LOC400499: variants seen among roughly 807,000 people sequenced by gnomAD.
the LOC400499 span, chr16:11,384,202 G>A: frequency 9.8e-6 from 12 of 1,229,370 alleles, no homozygotes; most frequent in Non-Finnish European, 1.2e-5. Flanking sequence ...GGACAGGCAG[G>A]TGCACCCGCT....
chr16:11,413,836 C>T, the LOC400499 span, among the ~76,000 whole-genome samples: 4 of 152,140 alleles, frequency 2.6e-5, no homozygotes, highest in African/African-American at 7.2e-5. Flanking sequence ...TATCATCATC[C>T]CTGTTTTGCA....
chr16:11,525,813 A>G, the LOC400499 span, among the ~76,000 whole-genome samples: 2 of 152,190 alleles, frequency 1.3e-5, no homozygotes, highest in African/African-American at 4.8e-5. Flanking sequence ...CACATTTAAA[A>G]TATTTTTTAA....
the LOC400499 span, chr16:11,391,613 A>G: frequency 2.5e-6 from 3 of 1,218,300 alleles, no homozygotes; most frequent in Non-Finnish European, 3.1e-6. Context: ...CCCGGTGGAG[A>G]GGGGGGACAT....
At chr16:11,487,660 T>C in the LOC400499 span, among the ~76,000 whole-genome samples, 1 of 152,298 alleles carries the variant, frequency 6.6e-6, no homozygotes, top group South Asian at 2.1e-4. Context: ...CTGAGGTAGT[T>C]TTGGAGCCTT....
chr16:11,417,877 C>G, the LOC400499 span: 1 of 398,614 alleles, frequency 2.5e-6, no homozygotes, highest in Non-Finnish European at 4.4e-6. Context: ...CCACCCTGTG[C>G]AGAGAGAGCC....
the LOC400499 span, among the ~76,000 whole-genome samples, chr16:11,511,598 C>T: frequency 6.6e-6 from 1 of 152,214 alleles, no homozygotes; most frequent in Non-Finnish European, 1.5e-5. Flanking sequence ...CAAAAGGGCA[C>T]ACTTTATGAC....
chr16:11,502,810 T>C, the LOC400499 span, among the ~76,000 whole-genome samples: 13,600 of 151,622 alleles, frequency 0.09, 785 homozygotes, highest in East Asian at 0.17. Flanking sequence ...GAGAAGAGGT[T>C]TCACCATGTT....
chr16:11,375,849 C>T, the LOC400499 span, among the ~76,000 whole-genome samples: 1 of 151,894 alleles, frequency 6.6e-6, no homozygotes, highest in South Asian at 2.1e-4. Context: ...CCTGCCTCAG[C>T]CTCCCAAGTA....
At chr16:11,409,441 G>C in the LOC400499 span, among the ~76,000 whole-genome samples, 1 of 152,116 alleles carries the variant, frequency 6.6e-6, no homozygotes, top group Admixed American at 6.6e-5. Flanking sequence ...ATCGTCTATA[G>C]CTGCTTTTGT....
At chr16:11,461,589 G>A in the LOC400499 span, among the ~76,000 whole-genome samples, 1 of 152,204 alleles carries the variant, frequency 6.6e-6, no homozygotes, top group African/African-American at 2.4e-5. Flanking sequence ...CCCATCATGG[G>A]TTGTTGGGTA....
At chr16:11,492,022 G>T in the LOC400499 span, among the ~76,000 whole-genome samples, 2 of 152,156 alleles carry the variant, frequency 1.3e-5, no homozygotes, top group South Asian at 2.1e-4. Flanking sequence ...GAGGTAGCAG[G>T]GGTTCACTGA....
At chr16:11,457,634 C>A in the LOC400499 span, among the ~76,000 whole-genome samples, 2 of 151,746 alleles carry the variant, frequency 1.3e-5, no homozygotes, top group Non-Finnish European at 2.9e-5. Flanking sequence ...TACCATACGC[C>A]CCAGAAATAA....
At chr16:11,397,797 G>T in the LOC400499 span, among the ~76,000 whole-genome samples, 1,423 of 142,340 alleles carry the variant, frequency 1.0e-2, 57 homozygotes, top group African/African-American at 0.036. Flanking sequence ...GAGGGAGGGA[G>T]GGATGGACGG....
At chr16:11,391,379 C>G in the LOC400499 span, among the ~76,000 whole-genome samples, 2 of 141,302 alleles carry the variant, frequency 1.4e-5, no homozygotes, top group African/African-American at 5.4e-5. Flanking sequence ...GCTGTATACT[C>G]AAAAGAAAGC....
the LOC400499 span, among the ~76,000 whole-genome samples, chr16:11,463,489 G>A: frequency 6.7e-6 from 1 of 150,310 alleles, no homozygotes; most frequent in African/African-American, 2.4e-5. Flanking sequence ...CAGACATGTG[G>A]GTGCATACAG....
chr16:11,402,199 G>C, the LOC400499 span: 1 of 398,972 alleles, frequency 2.5e-6, no homozygotes, highest in Admixed American at 4.4e-5. Context: ...GGGCACGTGA[G>C]CTGAGGTCAG....
the LOC400499 span, among the ~76,000 whole-genome samples, chr16:11,466,885 G>GA: frequency 5.3e-5 from 8 of 152,194 alleles, no homozygotes; most frequent in South Asian, 1.2e-3. Flanking sequence ...ATGCTTGTCT[G>GA]AAAAGATTGC....
chr16:11,454,734 G>A, the LOC400499 span, among the ~76,000 whole-genome samples: 1 of 152,230 alleles, frequency 6.6e-6, no homozygotes, highest in Non-Finnish European at 1.5e-5. Flanking sequence ...ATTAGTTACA[G>A]AACCCTTGGA....
chr16:11,398,385 C>T, the LOC400499 span: 66 of 1,232,294 alleles, frequency 5.4e-5, no homozygotes, highest in South Asian at 1.6e-3. Flanking sequence ...GAGGGAGTGC[C>T]GCAGCCAGCG....
Sources: gnomAD v4.1 joint callset for allele counts (sites outside exome capture counted in the v4.1 genomes callset) on GRCh38, gnomAD v4.1.1 for gene constraint, MANE v1.5 for transcripts.